Variants in TAF3 observed in about 807,000 individuals in gnomAD.
TAF3 encodes TATA-box binding protein associated factor 3.
TAF3 carries 7 observed loss-of-function variants against 80.6 expected under a neutral mutation model. That is an observed-to-expected ratio of 0.09 (90% CI 0.05 to 0.16). TAF3 has a LOEUF of 0.16. Ranked by LOEUF, TAF3 falls within the 10% of genes least tolerant of loss-of-function variation. The pLI, the probability that TAF3 is intolerant of heterozygous loss-of-function variation, is 1.00. For missense variants in TAF3, 921 were observed against 1,140.2 expected, an observed-to-expected ratio of 0.81 and a Z score of 2.77; for synonymous variants, 444 against 446.1, an observed-to-expected ratio of 1.00 and a Z score of 0.06.
chr10:7,819,164 C>G (rs2131093459), intron 1 of TAF3, among the ~76,000 whole-genome samples: 1 of 152,190 alleles, frequency 6.6e-6, no homozygotes. Context: ...GTGTCTGGAT[C>G]TCTCTCATTG....
intron 2 of TAF3, among the ~76,000 whole-genome samples, chr10:7,930,324 A>C (rs1017594554): frequency 6.6e-6 from 1 of 152,242 alleles, no homozygotes; most frequent in Non-Finnish European, 1.5e-5. Context: ...ACTTACTTGA[A>C]TTATATATAA....
chr10:7,904,375 A>T (rs946404985), intron 2 of TAF3, among the ~76,000 whole-genome samples: 1 of 152,130 alleles, frequency 6.6e-6, no homozygotes, highest in Non-Finnish European at 1.5e-5. Flanking sequence ...ATGATCTTTG[A>T]TGTATTTTTT....
chr10:7,846,242 C>T lies in TAF3; in HGVS notation c.409+21682C>T, dbSNP rs558970938. On this transcript the variant is annotated intron_variant, in intron 2 of 6. Transcript: ENST00000344293. ...GAAGTGCTGGCATTACAGGCATGAGCCACTGCGCCCGGCCAAAAGGATGAA... is the reference window on the plus strand; with the variant it reads ...GAAGTGCTGGCATTACAGGCATGAGTCACTGCGCCCGGCCAAAAGGATGAA... Among the ~76,000 whole-genome samples the T allele has an allele frequency of 7.9e-5, 12 of 152,220 alleles. No homozygotes were observed. In the East Asian group the frequency reaches 2.3e-3, roughly 29 times the overall value.
At chr10:7,875,201 A>G (rs756207866) in intron 2 of TAF3, among the ~76,000 whole-genome samples, 3 of 151,580 alleles carry the variant, frequency 2.0e-5, no homozygotes, top group Non-Finnish European at 4.4e-5. Context: ...CCTCCTCGAT[A>G]TTTTTTTTCT....
At chr10:7,860,058 C>G (rs1837128895) in intron 2 of TAF3, among the ~76,000 whole-genome samples, 1 of 152,166 alleles carries the variant, frequency 6.6e-6, no homozygotes, top group Non-Finnish European at 1.5e-5. Flanking sequence ...ATTGCTTGAG[C>G]TCAGGAGTTC....
Position 8,006,828 on chromosome 10 carries a change from A to G in TAF3, c.2316-2250A>G, listed in dbSNP as rs1013082460. Among the ~76,000 whole-genome samples the G allele has an allele frequency of 3.3e-5, 5 of 152,238 alleles. No individual in the cohort carries two copies. In the South Asian group the frequency reaches 6.2e-4, roughly 19 times the overall value. ...GCTGTCGTGAGCAACAGCCGTGAAC[A>G]TGGCACGGGGCCGGCAGTTCCCATC... On this transcript the variant is annotated intron_variant, in intron 4 of 6. Coordinates refer to ENST00000344293, the MANE Select transcript of TAF3 (RefSeq NM_031923.4).
intron 2 of TAF3, among the ~76,000 whole-genome samples, chr10:7,949,447 A>C (rs1040371414): frequency 2.6e-5 from 4 of 152,248 alleles, no homozygotes; most frequent in African/African-American, 9.6e-5. Context: ...TTAGGGCAAC[A>C]GCCAAGCAGG....
At chr10:7,938,512 A>C (rs1271448589) in intron 2 of TAF3, among the ~76,000 whole-genome samples, 1 of 151,844 alleles carries the variant, frequency 6.6e-6, no homozygotes, top group African/African-American at 2.4e-5. Context: ...AGGCTTGAAA[A>C]CTCATGTCTC....
chr10:7,867,914 G>A (rs150651162), intron 2 of TAF3, among the ~76,000 whole-genome samples: 9 of 152,236 alleles, frequency 5.9e-5, no homozygotes, highest in African/African-American at 1.9e-4. Flanking sequence ...TATATTATAT[G>A]TACTATGTAC....
chr10:7,945,829 T>C (rs986020491), intron 2 of TAF3, among the ~76,000 whole-genome samples: 1 of 152,246 alleles, frequency 6.6e-6, no homozygotes, highest in African/African-American at 2.4e-5. Flanking sequence ...CCCATTTTAC[T>C]GTCTCCCTAG....
intron 2 of TAF3, among the ~76,000 whole-genome samples, chr10:7,930,391 A>G (rs1837857029): frequency 6.6e-6 from 1 of 152,206 alleles, no homozygotes; most frequent in African/African-American, 2.4e-5. Context: ...ATGTCAGACC[A>G]TTTAGTATAT....
intron 2 of TAF3, among the ~76,000 whole-genome samples, chr10:7,940,071 A>G (rs947740885): frequency 6.6e-6 from 1 of 152,246 alleles, no homozygotes; most frequent in Non-Finnish European, 1.5e-5. Context: ...TGTGCTTGCC[A>G]GTCACATACA....
intron 4 of TAF3, among the ~76,000 whole-genome samples, chr10:7,980,376 T>C (rs896402886): frequency 1.3e-5 from 2 of 152,240 alleles, no homozygotes; most frequent in Non-Finnish European, 1.5e-5. Flanking sequence ...CTTGGATTGT[T>C]TCCTGTGTTC....
Position 8,006,168 on chromosome 10 carries a change from GAA to G in TAF3, c.2316-2901_2316-2900del, listed in dbSNP as rs750466540. ...AACATGGAGAAACCCCGTCTCTACT[GAA>G]AAAAAAAATACACACACACACACAC... On this transcript the variant is annotated intron_variant, in intron 4 of 6. Coordinates refer to ENST00000344293, the MANE Select transcript of TAF3 (RefSeq NM_031923.4). 8.3e-3 allele frequency among the ~76,000 whole-genome samples: 1,054 copies of G among 127,756 alleles called. 5 individuals are homozygous for G. The highest frequency in any genetic ancestry group is 0.014 in the African/African-American group (453 of 32,858). The allele number at this position is 127,756 out of a possible 152,430, so 83.8% of individuals were successfully genotyped here. A position where few individuals can be genotyped will look rare whatever the true frequency, so the allele number is the denominator to read the frequency against.
chr10:7,895,200 T>A (rs1348975021), intron 2 of TAF3, among the ~76,000 whole-genome samples: 1 of 152,198 alleles, frequency 6.6e-6, no homozygotes, highest in Non-Finnish European at 1.5e-5. Flanking sequence ...GGTAACTTGA[T>A]AACAGCTTTA....
At chr10:7,871,203 T>C (rs866106904) in intron 2 of TAF3, among the ~76,000 whole-genome samples, 2 of 152,082 alleles carry the variant, frequency 1.3e-5, no homozygotes, top group Admixed American at 6.5e-5. Context: ...TCTTGTTATT[T>C]CTTGTAAATC....
At chr10:7,839,478 G>T (rs987747586) in intron 2 of TAF3, among the ~76,000 whole-genome samples, 7 of 152,118 alleles carry the variant, frequency 4.6e-5, no homozygotes, top group Non-Finnish European at 7.3e-5. Flanking sequence ...AATAATGGAG[G>T]AGCAGTCGCA....
chr10:7,824,633 T>C (rs1836723816), intron 2 of TAF3, 73 bp downstream of exon 2: 1 of 1,497,560 alleles, frequency 6.7e-7, no homozygotes, highest in African/African-American at 1.4e-5. Flanking sequence ...CTTTCCATGC[T>C]ATGTCAACTT....
intron 2 of TAF3, among the ~76,000 whole-genome samples, chr10:7,849,156 G>T (rs1837001806): frequency 6.6e-6 from 1 of 152,108 alleles, no homozygotes; most frequent in Non-Finnish European, 1.5e-5. Flanking sequence ...TAATAATCCT[G>T]TGAAGGAAGT....
Sources: allele counts gnomAD v4.1 joint callset (sites outside exome capture counted in the v4.1 genomes callset), GRCh38; gene constraint gnomAD v4.1.1; transcripts MANE v1.5; gene names NCBI Gene and HGNC (gene_info 2026-07-23, HGNC 2026-07-21).